ITPRID1: variants seen among roughly 807,000 people sequenced by gnomAD.
The protein encoded by ITPRID1 is ITPR interacting domain containing 1.
In ITPRID1, 96 loss-of-function variants were observed where a neutral mutation model predicts 95.4. That is an observed-to-expected ratio of 1.01 (90% CI 0.85 to 1.19). ITPRID1 has a LOEUF of 1.19. ITPRID1 is among the 50% of genes most tolerant of loss of function. The pLI is 0.00. For synonymous variants in ITPRID1, 510 were observed against 453.6 expected (o/e 1.12, Z -1.58); for missense variants, 1,339 against 1,252.9 (o/e 1.07, Z -1.04).
intron 4 of ITPRID1, 80 bp downstream of exon 4, chr7:31,554,603 G>A: frequency 1.9e-6 from 3 of 1,553,606 alleles, no homozygotes; most frequent in Admixed American, 1.8e-5. Context: ...CTCTGCCTGG[G>A]CAAGGTCGGG....
intron 10 of ITPRID1, among the ~76,000 whole-genome samples, chr7:31,607,069 T>G (rs1229819224): frequency 6.6e-6 from 1 of 152,160 alleles, no homozygotes; most frequent in Non-Finnish European, 1.5e-5. Flanking sequence ...GCTCATGTCT[T>G]TCTTTCTTTG....
intron 12 of ITPRID1, among the ~76,000 whole-genome samples, chr7:31,647,673 C>CAAAAAAAAAAA: frequency 1.4e-5 from 1 of 69,340 alleles, no homozygotes; most frequent in Non-Finnish European, 2.8e-5. Context: ...GTCTCCGTCT[C>CAAAAAAAAAAA]AAAAAAAAAA....
chr7:31,596,860 A>T (rs1250872776), intron 10 of ITPRID1, among the ~76,000 whole-genome samples: 4 of 151,830 alleles, frequency 2.6e-5, no homozygotes, highest in African/African-American at 9.7e-5. Flanking sequence ...ACATATATTT[A>T]AAAAACTTAA....
chr7:31,519,608 CTCTCTCTCTCTCTATATA>C lies in ITPRID1; in HGVS notation c.-98+5490_-98+5507del, dbSNP rs1461950981. Among the ~76,000 whole-genome samples the C allele has an allele frequency of 4.7e-3, 258 of 54,678 alleles. 2 individuals carry two copies. The highest frequency in any genetic ancestry group is 0.016 in the African/African-American group (245 of 14,952). 35.9% of individuals were successfully genotyped at this position (54,678 alleles called of 152,430 possible). Reference sequence around the variant, plus strand: ...TCTCTCTCTCTCTCTCTCTCTCTCTCTCTCTCTCTCTCTATATATATATATATATATATATATAAATCT... The same window carrying C: ...TCTCTCTCTCTCTCTCTCTCTCTCTCTATATATATATATATATATAAATCT... On this transcript the variant is annotated intron_variant, in intron 1 of 14. Coordinates refer to ENST00000615280, the MANE Select transcript of ITPRID1 (RefSeq NM_001257967.3).
At chr7:31,523,645 G>A (rs1783337405) in intron 1 of ITPRID1, among the ~76,000 whole-genome samples, 1 of 152,172 alleles carries the variant, frequency 6.6e-6, no homozygotes, top group Non-Finnish European at 1.5e-5. Context: ...CAAGCGATCT[G>A]GTTGTTTAAA....
chr7:31,618,528 C>T (rs1787488033), intron 10 of ITPRID1, among the ~76,000 whole-genome samples: 1 of 152,204 alleles, frequency 6.6e-6, no homozygotes, highest in Non-Finnish European at 1.5e-5. Context: ...CCTCCAGGGG[C>T]CCCTTCTTCT....
chr7:31,629,045 A>ATG (rs1788756099), intron 10 of ITPRID1, among the ~76,000 whole-genome samples: 1 of 152,066 alleles, frequency 6.6e-6, no homozygotes, highest in East Asian at 1.9e-4. Flanking sequence ...AAAATTTGAA[A>ATG]CCTATCTATT....
chr7:31,582,302 A>C (rs1320308957), intron 9 of ITPRID1, among the ~76,000 whole-genome samples: 1 of 152,216 alleles, frequency 6.6e-6, no homozygotes, highest in Non-Finnish European at 1.5e-5. Context: ...TCCACCTTCA[A>C]ATTTTTGAGA....
intron 10 of ITPRID1, among the ~76,000 whole-genome samples, chr7:31,609,795 T>C (rs1786785089): frequency 6.6e-6 from 1 of 151,564 alleles, no homozygotes; most frequent in Non-Finnish European, 1.5e-5. Flanking sequence ...TTATCTCTGC[T>C]CCAATCTTTA....
At chr7:31,556,591 A>G (rs1784454477) in intron 5 of ITPRID1, among the ~76,000 whole-genome samples, 2 of 152,100 alleles carry the variant, frequency 1.3e-5, no homozygotes, top group Non-Finnish European at 2.9e-5. Flanking sequence ...GCTGAGAGAC[A>G]CATTGAGAAT....
At chr7:31,624,748 C>A (rs1352770172) in intron 10 of ITPRID1, among the ~76,000 whole-genome samples, 1 of 151,566 alleles carries the variant, frequency 6.6e-6, no homozygotes, top group African/African-American at 2.4e-5. Flanking sequence ...AAAGCAATGG[C>A]AACAAAAGCC....
chr7:31,574,449 T>C lies in ITPRID1; in HGVS notation c.396-91T>C. ...CTATTTAGGATCCTCTTTCACTCAG[T>C]ATCTGGGAGATTGGGTGGATGAGGT... On this transcript the variant is annotated intron_variant, in intron 7 of 14. Coordinates refer to ENST00000615280, the MANE Select transcript of ITPRID1 (RefSeq NM_001257967.3). 2.7e-6 allele frequency: 3 copies of C among 1,111,782 alleles called. No homozygotes were observed. The Admixed American group carries it at 5.3e-5, about 19-fold the overall frequency. 68.9% of individuals were successfully genotyped at this position (1,111,782 alleles called of 1,614,324 possible).
intron 10 of ITPRID1, among the ~76,000 whole-genome samples, chr7:31,600,415 C>T (rs542249623): frequency 3.9e-4 from 59 of 152,246 alleles, no homozygotes; most frequent in African/African-American, 1.1e-3. Flanking sequence ...AAAAATGACG[C>T]ATAAAGTGGA....
chr7:31,538,887 T>C (rs182717778), intron 1 of ITPRID1, among the ~76,000 whole-genome samples: 3 of 152,338 alleles, frequency 2.0e-5, no homozygotes, highest in African/African-American at 4.8e-5. Flanking sequence ...CTATTCCTCA[T>C]TGGACTTTCA....
chr7:31,603,206 A>G (rs902805880), intron 10 of ITPRID1, among the ~76,000 whole-genome samples: 25 of 152,278 alleles, frequency 1.6e-4, no homozygotes, highest in African/African-American at 5.8e-4. Flanking sequence ...CATCTGGCAC[A>G]TTATGACATG....
chr7:31,567,216 T>C (rs1459863476), intron 5 of ITPRID1, among the ~76,000 whole-genome samples: 1 of 152,240 alleles, frequency 6.6e-6, no homozygotes, highest in African/African-American at 2.4e-5. Context: ...TATTTCCTAA[T>C]AATGGTCATT....
intron 10 of ITPRID1, among the ~76,000 whole-genome samples, chr7:31,614,391 T>C (rs1787019512): frequency 6.6e-6 from 1 of 152,152 alleles, no homozygotes; most frequent in Non-Finnish European, 1.5e-5. Context: ...AAACTCTCCA[T>C]GCAGAGTTTC....
intron 10 of ITPRID1, 121 bp from the exon 11 acceptor site, chr7:31,642,055 T>G (rs907668750): frequency 1.1e-4 from 58 of 545,230 alleles, no homozygotes; most frequent in Non-Finnish European, 1.6e-4. Context: ...TTGTTTTTTC[T>G]TCCACACAGT....
intron 2 of ITPRID1, among the ~76,000 whole-genome samples, chr7:31,551,088 T>TC (rs2128135947): frequency 7.0e-6 from 1 of 143,558 alleles, no homozygotes; most frequent in African/African-American, 2.4e-5. Flanking sequence ...ATCTTATTTT[T>TC]CTGTGATATG....
Sources: gnomAD v4.1 joint callset for allele counts (sites outside exome capture counted in the v4.1 genomes callset) on GRCh38, gnomAD v4.1.1 for gene constraint, MANE v1.5 for transcripts, NCBI Gene and HGNC (gene_info 2026-07-23, HGNC 2026-07-21) for gene names.